NVL: variants seen among roughly 807,000 people sequenced by gnomAD.
NVL encodes nuclear valosin-containing protein-like.
In NVL, 84 loss-of-function variants were observed where a neutral mutation model predicts 110.2. The ratio of observed to expected loss-of-function variants is 0.76; its 90% CI spans 0.64 to 0.91. The LOEUF (loss-of-function observed/expected upper bound fraction) is 0.91. Among genes scored for constraint, NVL ranks in the 40% least tolerant of loss-of-function variants. NVL has a pLI of 0.00. For synonymous variants in NVL, 354 were observed against 361.1 expected, an observed-to-expected ratio of 0.98 and a Z score of 0.22; for missense variants, 882 against 1,035.9, an observed-to-expected ratio of 0.85 and a Z score of 2.04.
intron 11 of NVL, among the ~76,000 whole-genome samples, chr1:224,296,194 A>C (rs1416803929): frequency 6.6e-6 from 1 of 152,090 alleles, no homozygotes; most frequent in Non-Finnish European, 1.5e-5. Flanking sequence ...TAATGCAAGG[A>C]ACATAAAATA....
intron 12 of NVL, among the ~76,000 whole-genome samples, chr1:224,291,305 A>C (rs1667354244): frequency 6.6e-6 from 1 of 152,174 alleles, no homozygotes; most frequent in Non-Finnish European, 1.5e-5. Flanking sequence ...TCCCAGGTTC[A>C]AGCGATTCTC....
chr1:224,323,051 G>C (rs1329266265), intron 2 of NVL, among the ~76,000 whole-genome samples: 1 of 152,178 alleles, frequency 6.6e-6, no homozygotes, highest in Non-Finnish European at 1.5e-5. Flanking sequence ...CACACAGAGA[G>C]AGAATGCTAT....
intron 5 of NVL, among the ~76,000 whole-genome samples, chr1:224,308,590 C>T (rs1669171537): frequency 6.6e-6 from 1 of 151,020 alleles, no homozygotes; most frequent in Non-Finnish European, 1.5e-5. Context: ...ACTTGGGAGG[C>T]TGAGGCAGGA....
chr1:224,315,747 T>C (rs371980847), intron 4 of NVL, among the ~76,000 whole-genome samples: 1 of 152,280 alleles, frequency 6.6e-6, no homozygotes, highest in Non-Finnish European at 1.5e-5. Flanking sequence ...ATGAAAATAC[T>C]GTCCACACAA....
At chr1:224,273,875 T>C (rs1224472940) in intron 17 of NVL, among the ~76,000 whole-genome samples, 1 of 152,164 alleles carries the variant, frequency 6.6e-6, no homozygotes, top group Non-Finnish European at 1.5e-5. Context: ...TCTTCTATGA[T>C]GGTATCAATG....
intron 18 of NVL, among the ~76,000 whole-genome samples, chr1:224,254,914 C>T (rs1571847133): frequency 6.7e-6 from 1 of 148,700 alleles, no homozygotes; most frequent in South Asian, 2.1e-4. Flanking sequence ...GTCTCTGTCG[C>T]CAGGCTGGAG....
intron 12 of NVL, among the ~76,000 whole-genome samples, chr1:224,292,668 A>G (rs1024767491): frequency 1.3e-5 from 2 of 151,960 alleles, no homozygotes; most frequent in Non-Finnish European, 1.5e-5. Flanking sequence ...CCAGTCTCAC[A>G]TGTCTGAGCT....
At chr1:224,228,415 C>G (rs1354810000) in intron 22 of NVL, among the ~76,000 whole-genome samples, 1 of 151,938 alleles carries the variant, frequency 6.6e-6, no homozygotes, top group Admixed American at 6.6e-5. Flanking sequence ...AGGGATTCCC[C>G]TGCCTCGGCC....
chr1:224,325,814 T>G (rs1671090555), intron 2 of NVL, among the ~76,000 whole-genome samples: 1 of 152,128 alleles, frequency 6.6e-6, no homozygotes, highest in Non-Finnish European at 1.5e-5. Flanking sequence ...TGGGACAGGA[T>G]CTTATTCTGT....
At position 224,305,082 on chromosome 1, in the gene NVL, C is replaced by A. The variant is rs1319136880; in HGVS notation, c.700G>T (p.Asp234Tyr). 1.2e-6 allele frequency: 2 copies of A among 1,613,812 alleles called. No individual in the cohort carries two copies. Among genetic ancestry groups the A allele is most frequent in the Middle Eastern group, 1.6e-4 (1 of 6,062 alleles). ...KNKGSKRKKEDLQEVDGEIEA... is the reference protein window; with the variant it reads ...KNKGSKRKKEYLQEVDGEIEA... ...ATTTCTCCATCTACTTCCTGAAGATCTTCTTTCTTCCTTTTGCTTCCTTTA... is the reference window on the plus strand; with the variant it reads ...ATTTCTCCATCTACTTCCTGAAGATATTCTTTCTTCCTTTTGCTTCCTTTA... The change falls in exon 7 of 23, where the codon GAT becomes TAT. Residue 234 changes from aspartate (D) to tyrosine (Y), a missense_variant. Asp to Tyr is a radical substitution (Grantham distance 160). This residue lies in a region of NVL where 274 missense variants were observed against 268.4 expected (regional missense o/e 1.02). Coordinates refer to ENST00000281701, the MANE Select transcript of NVL (RefSeq NM_002533.4).
At chr1:224,310,393 G>C (rs1370661010) in intron 5 of NVL, among the ~76,000 whole-genome samples, 1 of 152,026 alleles carries the variant, frequency 6.6e-6, no homozygotes, top group Non-Finnish European at 1.5e-5. Context: ...GATAGTGAGG[G>C]CCGACTATAT....
chr1:224,273,270 G>A (rs1463608778), intron 17 of NVL, among the ~76,000 whole-genome samples: 3 of 151,888 alleles, frequency 2.0e-5, no homozygotes, highest in Non-Finnish European at 4.4e-5. Context: ...AATATTAGCT[G>A]GGCATGGTAG....
intron 19 of NVL, among the ~76,000 whole-genome samples, chr1:224,237,718 C>T (rs1317773975): frequency 7.7e-6 from 1 of 130,126 alleles, no homozygotes; most frequent in Non-Finnish European, 1.6e-5. Context: ...TACATGCCAC[C>T]ATGCCTGGCT....
chr1:224,262,195 C>G (rs1441994855), intron 18 of NVL, among the ~76,000 whole-genome samples: 1 of 151,686 alleles, frequency 6.6e-6, no homozygotes, highest in African/African-American at 2.4e-5. Flanking sequence ...ATTAAACAAA[C>G]AAACAAAAAG....
At chr1:224,302,996 C>G (rs1668570222) in intron 9 of NVL, 1 of 254,410 alleles carries the variant, frequency 3.9e-6, no homozygotes, top group Non-Finnish European at 8.0e-6. Flanking sequence ...CTGTAGTGAG[C>G]CATGATTGCA....
chr1:224,315,570 A>C (rs1304394016), intron 4 of NVL, among the ~76,000 whole-genome samples: 2 of 152,268 alleles, frequency 1.3e-5, no homozygotes, highest in African/African-American at 4.8e-5. Flanking sequence ...AAAATTAAAC[A>C]CTGACCATAA....
At chr1:224,271,534 A>T (rs951359006) in intron 17 of NVL, among the ~76,000 whole-genome samples, 8 of 151,828 alleles carry the variant, frequency 5.3e-5, no homozygotes, top group Non-Finnish European at 1.0e-4. Context: ...TAAAATATAA[A>T]TTTTTTTATG....
At chr1:224,227,760 C>T (rs1659346263) in intron 22 of NVL, 90 bp from the exon 23 acceptor site, 5 of 1,183,884 alleles carry the variant, frequency 4.2e-6, no homozygotes, top group East Asian at 2.5e-5. Flanking sequence ...CTGCAGTCCG[C>T]ACCCGCAGGA....
At chr1:224,240,511 G>A (rs939306495) in intron 19 of NVL, among the ~76,000 whole-genome samples, 2 of 152,134 alleles carry the variant, frequency 1.3e-5, no homozygotes, top group Non-Finnish European at 2.9e-5. Flanking sequence ...GCGCCCAGCA[G>A]AGGAGGAATT....
Sources: gnomAD v4.1 joint callset for allele counts (sites outside exome capture counted in the v4.1 genomes callset) on GRCh38, gnomAD v4.1.1 for gene constraint, gnomAD v4.1.1 regional missense constraint, MANE v1.5 for transcripts, NCBI Gene and HGNC (gene_info 2026-07-23, HGNC 2026-07-21) for gene names.